The following PTPRB variants were observed in gnomAD, a reference collection of about 807,000 sequenced individuals.
PTPRB encodes the protein receptor-type tyrosine-protein phosphatase beta.
PTPRB carries 97 observed loss-of-function variants against 238.1 expected under a neutral mutation model. That is an observed-to-expected ratio of 0.41 (90% CI 0.35 to 0.48). PTPRB has a LOEUF of 0.48. Ranked by LOEUF, PTPRB falls within the 20% of genes least tolerant of loss-of-function variation. The probability of loss-of-function intolerance (pLI) is 0.30; values close to 1 mark genes in which losing one functional copy is unlikely to be tolerated. For synonymous variants in PTPRB, 970 were observed against 995.4 expected (o/e 0.97, Z 0.48); for missense variants, 2,292 against 2,681.9 (o/e 0.85, Z 3.21).
At chr12:70,563,251 A>G (rs939972492) in intron 15 of PTPRB, 144 bp from the exon 16 acceptor site, 37 of 924,334 alleles carry the variant, frequency 4.0e-5, no homozygotes, top group Admixed American at 8.7e-5. Flanking sequence ...AGCCAAAAGC[A>G]CTTTACAAAA....
intron 31 of PTPRB, 36 bp downstream of exon 31, chr12:70,534,452 G>A: frequency 6.2e-7 from 1 of 1,602,578 alleles, no homozygotes; most frequent in South Asian, 1.1e-5. Context: ...ACCCCCTTAT[G>A]GCTGCCATTT....
intron 2 of PTPRB, among the ~76,000 whole-genome samples, chr12:70,633,283 C>A (rs1206644011): frequency 1.3e-5 from 2 of 152,062 alleles, no homozygotes; most frequent in Non-Finnish European, 1.5e-5. Context: ...TATTCTTAAA[C>A]TTTTATCAGG....
chr12:70,626,950 T>C (rs1228816242), intron 2 of PTPRB, among the ~76,000 whole-genome samples: 1 of 151,898 alleles, frequency 6.6e-6, no homozygotes, highest in South Asian at 2.1e-4. Context: ...AAAAGACCCA[T>C]GATTAGAAAG....
In PTPRB at chr12:70,534,902, G is replaced by GT; in HGVS notation, c.6134dup (p.Asp2045GlufsTer14). 1 of 1,613,860 alleles carries GT rather than the reference G, an allele frequency of 6.2e-7. No homozygotes were observed. The highest frequency in any genetic ancestry group is 8.5e-7 in the Non-Finnish European group (1 of 1,179,790). On this transcript the variant is annotated frameshift_variant, in exon 30 of 34. Coordinates refer to ENST00000334414, the MANE Select transcript of PTPRB (RefSeq NM_001109754.4). LOFTEE classifies it high-confidence loss of function. Reference sequence around the variant, plus strand: ...ACTCTGAGAGCATCTGCAGGATGAGGTCCCCATAGTAGAGGGAATCCTGGT... The same window carrying GT: ...ACTCTGAGAGCATCTGCAGGATGAGGTTCCCCATAGTAGAGGGAATCCTGGT...
At chr12:70,541,380 C>CTTAT (rs1352375370) in intron 22 of PTPRB, 1 of 154,872 alleles carries the variant, frequency 6.5e-6, no homozygotes, top group Non-Finnish European at 1.4e-5. Context: ...TCTAAGAAGT[C>CTTAT]TTATTTTTAT....
chr12:70,558,283 T>C (rs184340966), intron 18 of PTPRB, among the ~76,000 whole-genome samples: 2 of 152,190 alleles, frequency 1.3e-5, no homozygotes, highest in East Asian at 3.9e-4. Flanking sequence ...AAACTCTTAG[T>C]TCTTTTTCAC....
rs202038783 is a variant in PTPRB, at chr12:70,534,576, T to C, written c.6280A>G (p.Thr2094Ala). The change falls in exon 31 of 34, where the codon ACC (threonine) becomes GCC (alanine). Residue 2094 changes from threonine (T) to alanine (A), a missense_variant. By Grantham distance (58) the Thr-to-Ala change is moderately conservative. This residue lies in a region of PTPRB where 397 missense variants were observed against 502.0 expected (regional missense o/e 0.79). Transcript: ENST00000334414. Reference sequence around the variant, plus strand: ...ACAAACTGGATCAGAGACTGGGTGGTTTCTGGGACTCCATGGTCTGGCCAC... The same window carrying C: ...ACAAACTGGATCAGAGACTGGGTGGCTTCTGGGACTCCATGGTCTGGCCAC... ...TVWPDHGVPE[T>A]TQSLIQFVRT... is the part of the protein sequence containing the mutation. The C allele has an allele frequency of 4.0e-4, 639 of 1,612,958 alleles. No individual in the cohort carries two copies. Among genetic ancestry groups the C allele is most frequent in the Non-Finnish European group, 5.3e-4 (627 of 1,179,580 alleles).
Position 70,622,654 on chromosome 12 carries a change from AAAG to A in PTPRB, c.452-11_452-9del. 2 of 1,549,832 alleles carry A rather than the reference AAAG, an allele frequency of 1.3e-6. No individual in the cohort carries two copies. Among genetic ancestry groups the A allele is most frequent in the South Asian group, 2.4e-5 (2 of 84,980 alleles). ...CTTCTGCTCCCAGGCCAGCTGAGGT[AAAG>A]AAAAGATAGTTGCAAAGATTATTCT... is the stretch of plus-strand genomic sequence containing the variant. On this transcript the variant is annotated splice_polypyrimidine_tract_variant and intron_variant, in intron 2 of 33. Coordinates refer to ENST00000334414, the MANE Select transcript of PTPRB (RefSeq NM_001109754.4).
In PTPRB at chr12:70,541,131, AT is replaced by A. The variant is rs1165853340; in HGVS notation, c.5495-175del. 3 of 587,786 alleles carry A rather than the reference AT, an allele frequency of 5.1e-6. No homozygotes were observed. In the African/African-American group the frequency reaches 5.6e-5, roughly 11 times the overall value. 36.4% of individuals were successfully genotyped at this position (587,786 alleles called of 1,614,324 possible). Reference sequence around the variant, plus strand: ...AGGCTCTGAGTATGCACCTAAGAAGATGATGAAAGGCTGGCTCCCACCCTGT... The same window carrying A: ...AGGCTCTGAGTATGCACCTAAGAAGAGATGAAAGGCTGGCTCCCACCCTGT... On this transcript the variant is annotated intron_variant, in intron 22 of 33. Transcript: ENST00000334414.
chr12:70,603,733 C>A (rs1372329027), intron 4 of PTPRB, among the ~76,000 whole-genome samples: 1 of 152,170 alleles, frequency 6.6e-6, no homozygotes, highest in Non-Finnish European at 1.5e-5. Flanking sequence ...CTCATAACAA[C>A]CCCATGAGTT....
intron 18 of PTPRB, 25 bp from the exon 19 acceptor site, chr12:70,556,173 C>T (rs1356412424): frequency 1.3e-6 from 2 of 1,583,100 alleles, no homozygotes; most frequent in Non-Finnish European, 1.7e-6. Context: ...GGAGGCAACA[C>T]TTTTCAGAAC....
intron 4 of PTPRB, among the ~76,000 whole-genome samples, chr12:70,599,529 T>C (rs1004287071): frequency 1.3e-5 from 2 of 152,174 alleles, no homozygotes; most frequent in Non-Finnish European, 2.9e-5. Context: ...GATTAATATA[T>C]CAATATTTAT....
At chr12:70,556,274 C>T (rs932030943) in intron 18 of PTPRB, 126 bp from the exon 19 acceptor site, 113 of 861,496 alleles carry the variant, frequency 1.3e-4, no homozygotes, top group Admixed American at 6.3e-4. Flanking sequence ...TACAGAGTGT[C>T]GTGGCTCACC....
intron 29 of PTPRB, among the ~76,000 whole-genome samples, chr12:70,535,652 A>G (rs1186276265): frequency 6.6e-6 from 1 of 152,172 alleles, no homozygotes; most frequent in African/African-American, 2.4e-5. Flanking sequence ...GTGTCTGCCA[A>G]CACAGTCTAC....
chr12:70,542,107 C>T (rs1221872045), intron 22 of PTPRB: 5 of 152,178 alleles, frequency 3.3e-5, no homozygotes, highest in African/African-American at 1.2e-4. Flanking sequence ...TCCTCACTAA[C>T]TCTTGTTACT....
intron 2 of PTPRB, among the ~76,000 whole-genome samples, chr12:70,629,452 A>C (rs1376754594): frequency 6.6e-6 from 1 of 152,242 alleles, no homozygotes; most frequent in Non-Finnish European, 1.5e-5. Flanking sequence ...AGCAGCGTAC[A>C]GAGGGAAATT....
intron 21 of PTPRB, 112 bp from the exon 22 acceptor site, chr12:70,544,775 A>G (rs1410066750): frequency 6.6e-6 from 4 of 605,436 alleles, no homozygotes; most frequent in African/African-American, 5.8e-5. Context: ...AGCAGGGTAG[A>G]ATATGAGTTA....
intron 4 of PTPRB, among the ~76,000 whole-genome samples, chr12:70,600,084 A>T (rs1400976661): frequency 1.3e-5 from 2 of 152,132 alleles, no homozygotes; most frequent in East Asian, 3.8e-4. Flanking sequence ...TCATTAAAAC[A>T]TTAGTATTTA....
chr12:70,595,780 G>A (rs536989553), intron 5 of PTPRB, among the ~76,000 whole-genome samples: 28 of 152,204 alleles, frequency 1.8e-4, no homozygotes, highest in Admixed American at 5.2e-4. Context: ...GGGCCATTAG[G>A]GAGTATCCAT....
Sources: gnomAD v4.1 joint callset for allele counts (sites outside exome capture counted in the v4.1 genomes callset) on GRCh38, gnomAD v4.1.1 for gene constraint, gnomAD v4.1.1 regional missense constraint, MANE v1.5 for transcripts, NCBI Gene and HGNC (gene_info 2026-07-23, HGNC 2026-07-21) for gene names.